Variants in ZFAND4 observed in about 807,000 individuals in gnomAD.
ZFAND4 encodes the protein zinc finger AN1-type containing 4.
ZFAND4 carries 43 observed loss-of-function variants against 64.4 expected under a neutral mutation model. That is an observed-to-expected ratio of 0.67 (90% CI 0.52 to 0.86). ZFAND4 has a LOEUF of 0.86. Ranked by LOEUF, ZFAND4 falls within the 40% of genes least tolerant of loss-of-function variation. The pLI is 0.00. For synonymous variants in ZFAND4, 296 were observed against 305.7 expected (o/e 0.97, Z 0.33); for missense variants, 929 against 859.8 (o/e 1.08, Z -1.01).
At position 45,652,034 on chromosome 10, in the gene ZFAND4, C is replaced by T. The variant is rs1389458900; in HGVS notation, c.261-1G>A. ...CTTCAAGGTACACCCTTCTGAAATG[C>T]TGTGGATAGTTAACACAAAAATAAA... is the stretch of plus-strand genomic sequence containing the variant. On this transcript the variant is annotated splice_acceptor_variant, in intron 3 of 9. Transcript: ENST00000344646. LOFTEE classifies it high-confidence loss of function. 4 of 1,613,520 alleles carry T rather than the reference C, an allele frequency of 2.5e-6. No homozygotes were observed. The African/African-American group carries it at 4.0e-5, about 16-fold the overall frequency.
intron 3 of ZFAND4, among the ~76,000 whole-genome samples, 197 bp downstream of exon 3, chr10:45,652,787 G>T (rs2047844008): frequency 6.6e-6 from 1 of 152,112 alleles, no homozygotes; most frequent in Admixed American, 6.5e-5. Flanking sequence ...GAAAATAAAT[G>T]TATCAGAGGA....
At chr10:45,668,586 G>A (rs1452358455) in intron 1 of ZFAND4, among the ~76,000 whole-genome samples, 1 of 152,200 alleles carries the variant, frequency 6.6e-6, no homozygotes, top group African/African-American at 2.4e-5. Context: ...ACATTTTAAT[G>A]TCTGGCAAAT....
chr10:45,650,722 T>G (rs748442073), intron 4 of ZFAND4: 25 of 152,258 alleles, frequency 1.6e-4, no homozygotes, highest in Admixed American at 9.2e-4. Flanking sequence ...TATAATTCTA[T>G]CTTAACATAA....
chr10:45,634,771 C>T (rs2046439474), intron 6 of ZFAND4, among the ~76,000 whole-genome samples: 1 of 151,696 alleles, frequency 6.6e-6, no homozygotes, highest in South Asian at 2.1e-4. Flanking sequence ...AAAGACTGCA[C>T]CAAAAAACGA....
chr10:45,621,723 C>T (rs1005058631), intron 8 of ZFAND4, among the ~76,000 whole-genome samples: 2 of 151,904 alleles, frequency 1.3e-5, no homozygotes, highest in African/African-American at 4.8e-5. Flanking sequence ...GCCTGGGAGA[C>T]AGAGTGAGAC....
At position 45,616,481 on chromosome 10, in the gene ZFAND4, G is replaced by A. The variant is rs753059943; in HGVS notation, c.2139C>T (p.His713=). The A allele has an allele frequency of 2.9e-5, 47 of 1,614,048 alleles. No homozygotes were observed. The highest frequency in any genetic ancestry group is 1.6e-4 in the Middle Eastern group (1 of 6,084). ...DYKSAGRRYL[H]EANPVVNAPK... ...GTGCATTAACCACAGGATTTGCCTC[G>A]TGCAAGTATCTCCTCCCTGCACTCT... The change falls in exon 10 of 10, where the codon CAC becomes CAT. Residue 713 remains histidine (H), a synonymous_variant. Coordinates refer to ENST00000344646, the MANE Select transcript of ZFAND4 (RefSeq NM_174890.4).
At chr10:45,667,512 G>A (rs1356802235) in intron 1 of ZFAND4, among the ~76,000 whole-genome samples, 3 of 144,098 alleles carry the variant, frequency 2.1e-5, no homozygotes, top group Non-Finnish European at 4.5e-5. Flanking sequence ...TCTGTTGCCC[G>A]GGCTGAAGTG....
intron 2 of ZFAND4, among the ~76,000 whole-genome samples, chr10:45,655,454 G>A (rs549288118): frequency 6.6e-6 from 1 of 152,116 alleles, no homozygotes; most frequent in South Asian, 2.1e-4. Context: ...ACACCTCAAG[G>A]AACTAAAGAA....
chr10:45,659,870 T>C (rs2048351429), intron 2 of ZFAND4, among the ~76,000 whole-genome samples: 1 of 151,982 alleles, frequency 6.6e-6, no homozygotes, highest in Admixed American at 6.6e-5. Flanking sequence ...GGAAAAGAAT[T>C]GGGAAGTTTG....
chr10:45,623,599 T>TA (rs1381340873), intron 8 of ZFAND4, among the ~76,000 whole-genome samples: 3 of 152,142 alleles, frequency 2.0e-5, no homozygotes, highest in African/African-American at 4.8e-5. Flanking sequence ...TTAGAGTACC[T>TA]AAAAAATCAT....
chr10:45,626,562 T>C lies in ZFAND4; in HGVS notation c.1261A>G (p.Lys421Glu), dbSNP rs1298538820. ...EQSSGLEGAC[K>E]VNLELLLTNA... Reference sequence around the variant, plus strand: ...GTGAGTAGCAACTCCAGATTCACTTTGCACGCACCTTCTAAGCCGCTGCTC... The same window carrying C: ...GTGAGTAGCAACTCCAGATTCACTTCGCACGCACCTTCTAAGCCGCTGCTC... Residue 421 changes from lysine (K) to glutamate (E), a missense_variant, in exon 7 of 10, where the codon AAA (lysine) becomes GAA (glutamate). Coordinates refer to ENST00000344646, the MANE Select transcript of ZFAND4 (RefSeq NM_174890.4). 2.5e-6 allele frequency: 4 copies of C among 1,614,194 alleles called. No individual in the cohort carries two copies. The highest frequency in any genetic ancestry group is 1.7e-5 in the Admixed American group (1 of 60,030).
Position 45,626,542 on chromosome 10 carries a change from T to C in ZFAND4, c.1281A>G (p.Leu427=). The C allele has an allele frequency of 6.2e-7, 1 of 1,614,092 alleles. No homozygotes were observed. Among genetic ancestry groups the C allele is most frequent in the South Asian group, 1.1e-5 (1 of 91,084 alleles). ...TCAACCCTTTGTCAGCATTAGTGAGTAGCAACTCCAGATTCACTTTGCACG... is the reference window on the plus strand; with the variant it reads ...TCAACCCTTTGTCAGCATTAGTGAGCAGCAACTCCAGATTCACTTTGCACG... ...EGACKVNLEL[L]LTNADKGLKA... Residue 427 remains leucine (L), a synonymous_variant, in exon 7 of 10, where the codon CTA becomes CTG. Coordinates refer to ENST00000344646, the MANE Select transcript of ZFAND4 (RefSeq NM_174890.4).
chr10:45,643,106 G>C (rs1243973188), intron 5 of ZFAND4, among the ~76,000 whole-genome samples: 1 of 149,818 alleles, frequency 6.7e-6, no homozygotes, highest in Admixed American at 6.6e-5. Context: ...TTTTAGTAGA[G>C]ATGCGGTTTC....
Position 45,648,303 on chromosome 10 carries a change from T to C in ZFAND4, c.560A>G (p.His187Arg), listed in dbSNP as rs1376709983. The C allele has an allele frequency of 1.2e-6, 2 of 1,609,200 alleles. No homozygotes were observed. The highest frequency in any genetic ancestry group is 8.5e-7 in the Non-Finnish European group (1 of 1,177,766). The stretch of plus-strand genomic sequence containing the variant: ...AAAGTTTATGGAGTACCTCATACGA[T>C]GTTCTCCTTTTCTCCGTAGGACATG... The part of the protein sequence containing the change: ...HLHVLRRKGE[H>R]RMSGGSMYNS... Residue 187 changes from histidine to arginine, a missense_variant, in exon 5 of 10, where the codon CAT becomes CGT. Coordinates refer to ENST00000344646, the MANE Select transcript of ZFAND4 (RefSeq NM_174890.4).
At chr10:45,648,220 A>C in intron 5 of ZFAND4, 74 bp downstream of exon 5, 1 of 1,391,446 alleles carries the variant, frequency 7.2e-7, no homozygotes, top group Non-Finnish European at 9.5e-7. Flanking sequence ...TGGGGCAGGA[A>C]TGAGATGCAT....
chr10:45,667,417 A>G (rs1171130277), intron 1 of ZFAND4, among the ~76,000 whole-genome samples: 1 of 147,028 alleles, frequency 6.8e-6, no homozygotes, highest in Non-Finnish European at 1.5e-5. Context: ...TTACAAATAG[A>G]GTTTTACTTC....
intron 1 of ZFAND4, among the ~76,000 whole-genome samples, chr10:45,665,920 T>A (rs1170086470): frequency 6.6e-6 from 1 of 152,260 alleles, no homozygotes; most frequent in Non-Finnish European, 1.5e-5. Context: ...TATTGCTGAA[T>A]AATAGTCCCC....
intron 4 of ZFAND4, chr10:45,651,262 C>A: frequency 5.2e-6 from 1 of 191,050 alleles, no homozygotes; most frequent in African/African-American, 2.3e-5. Flanking sequence ...TTAATAAAAC[C>A]CTCTCATCAA....
rs1465019972 is a variant in ZFAND4 at position 45,618,215 on chromosome 10, T to C, written c.1973A>G (p.Gln658Arg). ...HHLPPVKAPL[Q>R]TKKKTTNHCF... ...ATGATTTGTTGTTTTCTTCTTTGTCTGAAGAGGGGCTTTCACAGGTGGGAG... is the reference window on the plus strand; with the variant it reads ...ATGATTTGTTGTTTTCTTCTTTGTCCGAAGAGGGGCTTTCACAGGTGGGAG... The change falls in exon 9 of 10, where the codon CAG (glutamine) becomes CGG (arginine). Residue 658 changes from glutamine to arginine, a missense_variant. By Grantham distance (43) the Gln-to-Arg change is conservative. Coordinates refer to ENST00000344646, the MANE Select transcript of ZFAND4 (RefSeq NM_174890.4). 2 of 1,613,820 alleles carry C rather than the reference T, an allele frequency of 1.2e-6. No homozygotes were observed. The highest frequency in any genetic ancestry group is 2.2e-5 in the East Asian group (1 of 44,852).
Sources: allele counts gnomAD v4.1 joint callset (sites outside exome capture counted in the v4.1 genomes callset), GRCh38; gene constraint gnomAD v4.1.1; transcripts MANE v1.5; gene names NCBI Gene and HGNC (gene_info 2026-07-23, HGNC 2026-07-21).